TPTE: variants seen among roughly 807,000 people sequenced by gnomAD.
The protein encoded by TPTE is transmembrane phosphatase with tensin homology, also known as putative tyrosine-protein phosphatase TPTE.
In TPTE, 59 loss-of-function variants were observed where a neutral mutation model predicts 84.1. The ratio of observed to expected loss-of-function variants is 0.70; its 90% CI spans 0.57 to 0.87. The LOEUF is 0.87. Ranked by LOEUF, TPTE falls within the 40% of genes least tolerant of loss-of-function variation. The pLI, the probability that TPTE is intolerant of heterozygous loss-of-function variation, is 0.00. For missense variants in TPTE, 382 were observed against 659.6 expected (o/e 0.58, Z 4.61); for synonymous variants, 130 against 223.5 (o/e 0.58, Z 3.73).
At chr21:10,579,934 A>G (rs1482458203) in intron 17 of TPTE, among the ~76,000 whole-genome samples, 1 of 152,312 alleles carries the variant, frequency 6.6e-6, no homozygotes, top group Non-Finnish European at 1.5e-5. Context: ...GAGAAATCTC[A>G]GTGCTGTTTT....
At chr21:10,574,709 C>T (rs894558983) in intron 14 of TPTE, among the ~76,000 whole-genome samples, 1 of 152,308 alleles carries the variant, frequency 6.6e-6, no homozygotes, top group African/African-American at 2.4e-5. Flanking sequence ...GGAACCCCCA[C>T]TCCCAGCCAA....
intron 10 of TPTE, among the ~76,000 whole-genome samples, chr21:10,564,524 T>G (rs1475063836): frequency 3.3e-5 from 5 of 152,286 alleles, no homozygotes; most frequent in African/African-American, 1.2e-4. Flanking sequence ...AGAATAAAAA[T>G]AAAAACAAAC....
At chr21:10,593,294 A>G (rs2075520774) in intron 19 of TPTE, among the ~76,000 whole-genome samples, 1 of 152,310 alleles carries the variant, frequency 6.6e-6, no homozygotes, top group East Asian at 1.9e-4. Context: ...AACACTTTTT[A>G]TCATATCTAA....
chr21:10,593,481 C>G (rs1423122674), intron 19 of TPTE, among the ~76,000 whole-genome samples: 1 of 152,304 alleles, frequency 6.6e-6, no homozygotes, highest in Non-Finnish European at 1.5e-5. Context: ...TCATAGATTT[C>G]TCACCATTTT....
chr21:10,588,002 C>G (rs1416015612), intron 17 of TPTE, among the ~76,000 whole-genome samples: 10 of 152,294 alleles, frequency 6.6e-5, no homozygotes, highest in Non-Finnish European at 1.2e-4. Flanking sequence ...GTGTGCACCA[C>G]CATGCCCGGC....
At chr21:10,603,136 G>A (rs1326644560) in intron 22 of TPTE, among the ~76,000 whole-genome samples, 1 of 152,312 alleles carries the variant, frequency 6.6e-6, no homozygotes, top group African/African-American at 2.4e-5. Flanking sequence ...ACTGCTGCGG[G>A]TGACTGAACC....
intron 21 of TPTE, among the ~76,000 whole-genome samples, chr21:10,601,128 A>C (rs1297090242): frequency 7.6e-4 from 116 of 152,266 alleles, no homozygotes; most frequent in Non-Finnish European, 2.4e-4. Context: ...ATAAAAATCA[A>C]ATGACACACA....
At chr21:10,556,092 T>C (rs2074678057) in intron 8 of TPTE, among the ~76,000 whole-genome samples, 1 of 152,308 alleles carries the variant, frequency 6.6e-6, no homozygotes, top group Non-Finnish European at 1.5e-5. Flanking sequence ...GTGCACAATG[T>C]GCAGGTTTGT....
At chr21:10,555,784 C>G (rs210513) in intron 8 of TPTE, among the ~76,000 whole-genome samples, 17,614 of 146,824 alleles carry the variant, frequency 0.12, 7 homozygotes, top group African/African-American at 0.33. Context: ...AAGTCAGAAG[C>G]CCATTTCTAG....
intron 20 of TPTE, among the ~76,000 whole-genome samples, chr21:10,597,702 A>T (rs1306487872): frequency 5.9e-5 from 9 of 152,378 alleles, no homozygotes; most frequent in African/African-American, 2.2e-4. Flanking sequence ...GGTATGAGCC[A>T]CCATGCCTGG....
intron 17 of TPTE, among the ~76,000 whole-genome samples, chr21:10,581,328 T>G (rs2075267632): frequency 6.6e-6 from 1 of 152,312 alleles, no homozygotes; most frequent in Non-Finnish European, 1.5e-5. Flanking sequence ...TTAAAGAAGT[T>G]AGCATCAGTT....
intron 7 of TPTE, among the ~76,000 whole-genome samples, chr21:10,551,770 A>G (rs2074580266): frequency 6.6e-6 from 1 of 152,306 alleles, no homozygotes; most frequent in African/African-American, 2.4e-5. Context: ...ATTATTAGAG[A>G]CTATTATGAG....
chr21:10,548,186 G>A lies in TPTE; in HGVS notation c.174-4471G>A, dbSNP rs1371888344. 7.9e-5 allele frequency among the ~76,000 whole-genome samples: 12 copies of A among 152,424 alleles called. No individual in the cohort carries two copies. In the East Asian group the frequency reaches 2.1e-3, roughly 27 times the overall value. ...CTGTGTATGCCCAAGTCTCAGGGCC[G>A]AGAAACAACCCTGGGAGCTTACTCA... On this transcript the variant is annotated intron_variant, in intron 7 of 23. Coordinates refer to ENST00000618007, the MANE Select transcript of TPTE (RefSeq NM_199261.4).
chr21:10,583,612 A>G (rs1364606802), intron 17 of TPTE, among the ~76,000 whole-genome samples: 2 of 152,312 alleles, frequency 1.3e-5, no homozygotes, highest in African/African-American at 2.4e-5. Context: ...CTTTCCCTTT[A>G]TAAAGTTTGT....
chr21:10,525,935 A>G (rs2074070421), intron 2 of TPTE, among the ~76,000 whole-genome samples: 1 of 152,308 alleles, frequency 6.6e-6, no homozygotes, highest in Non-Finnish European at 1.5e-5. Flanking sequence ...ATCTGGAGTA[A>G]TTTGAGTGTC....
At chr21:10,529,183 C>A (rs879936668) in intron 3 of TPTE, among the ~76,000 whole-genome samples, 853 of 143,846 alleles carry the variant, frequency 5.9e-3, no homozygotes, top group Middle Eastern at 0.015. Flanking sequence ...AACTCTGTCT[C>A]AAAAAAAAAA....
chr21:10,528,402 G>T (rs1600851561), intron 3 of TPTE, among the ~76,000 whole-genome samples: 1 of 152,430 alleles, frequency 6.6e-6, no homozygotes, highest in East Asian at 1.9e-4. Context: ...TAGTTTTCTG[G>T]ACACTGATTC....
At chr21:10,589,292 G>A (rs1161305870) in intron 17 of TPTE, among the ~76,000 whole-genome samples, 2 of 152,300 alleles carry the variant, frequency 1.3e-5, no homozygotes, top group Middle Eastern at 3.2e-3. Flanking sequence ...ACTTCTGCCA[G>A]CAGGTTTTAT....
chr21:10,524,088 G>T (rs1301355041), intron 1 of TPTE, among the ~76,000 whole-genome samples: 1 of 152,312 alleles, frequency 6.6e-6, no homozygotes, highest in African/African-American at 2.4e-5. Context: ...ATTCTGTTTG[G>T]GGTTGCCGTG....
Sources: gnomAD v4.1 joint callset for allele counts (sites outside exome capture counted in the v4.1 genomes callset) on GRCh38, gnomAD v4.1.1 for gene constraint, MANE v1.5 for transcripts, NCBI Gene and HGNC (gene_info 2026-07-23, HGNC 2026-07-21) for gene names.